The following CD8B2 variants were observed in gnomAD, a reference collection of about 807,000 sequenced individuals.
CD8B2 encodes the protein T-cell surface glycoprotein CD8 beta-2 chain.
A neutral mutation model predicts 23.7 loss-of-function variants in CD8B2; 11 were observed. The observed-to-expected ratio is 0.46, with a 90% CI of 0.29 to 0.77. The LOEUF (loss-of-function observed/expected upper bound fraction) is 0.77. CD8B2 is among the 30% of genes least tolerant of loss of function. The pLI is 0.09. For synonymous variants in CD8B2, 90 were observed against 109.3 expected (o/e 0.82, Z 1.10); for missense variants, 197 against 270.5 (o/e 0.73, Z 1.91).
chr2:106,543,543 T>A (rs13004386), intron 5 of CD8B2, among the ~76,000 whole-genome samples: 69,857 of 147,800 alleles, frequency 0.47, 16,596 homozygotes, highest in African/African-American at 0.5. Context: ...ATAAATAAAT[T>A]AATTAAACAA....
intron 5 of CD8B2, among the ~76,000 whole-genome samples, chr2:106,531,356 C>T (rs1300913200): frequency 1.3e-5 from 2 of 152,214 alleles, no homozygotes; most frequent in Non-Finnish European, 2.9e-5. Context: ...TTTTCCTTTT[C>T]CTTTGGGCAA....
Position 106,508,037 on chromosome 2 carries a change from G to A in CD8B2, c.*1097G>A, listed in dbSNP as rs1679546988. The stretch of plus-strand genomic sequence containing the variant: ...TTATTGATTCTTAGCCTTGACAGTT[G>A]GAGAAGGAAAAAGCAAGGAGAAAGT... On this transcript the variant is annotated 3_prime_UTR_variant, in exon 6 of 6. Coordinates refer to ENST00000643224, the MANE Select transcript of CD8B2 (RefSeq NM_001349727.2). 6.7e-6 allele frequency: 1 copy of A among 149,496 alleles called. No homozygotes were observed. The highest frequency in any genetic ancestry group is 1.5e-5 in the Non-Finnish European group (1 of 67,464). The allele number at this position is 149,496 out of a possible 1,614,324, so 9.3% of individuals were successfully genotyped here.
rs1679575313 is a variant in CD8B2 at position 106,509,316 on chromosome 2, G to T, written c.*2376G>T. ...TGAGGGGAGGGGTGAAAGAATTGGG[G>T]TCAGCTGGACCAGACTCCTCTAGGG... On this transcript the variant is annotated 3_prime_UTR_variant, in exon 6 of 6. Coordinates refer to ENST00000643224, the MANE Select transcript of CD8B2 (RefSeq NM_001349727.2). The T allele has an allele frequency of 6.6e-6, 1 of 152,068 alleles. No individual in the cohort carries two copies. The highest frequency in any genetic ancestry group is 6.6e-5 in the Admixed American group (1 of 15,258). 9.4% of individuals were successfully genotyped at this position (152,068 alleles called of 1,614,324 possible).
chr2:106,507,138 T>G lies in CD8B2; in HGVS notation c.*198T>G, dbSNP rs1679525397. The G allele has an allele frequency of 1.4e-6, 2 of 1,434,812 alleles. No individual in the cohort carries two copies. The highest frequency in any genetic ancestry group is 2.9e-5 in the African/African-American group (2 of 69,470). The allele number at this position is 1,434,812 out of a possible 1,614,324, so 88.9% of individuals were successfully genotyped here. A position where few individuals can be genotyped will look rare whatever the true frequency, so the allele number is the denominator to read the frequency against. ...CTTGTTTGTGGGTCATCGGGAATACTAGGGAGAAGGTTTCATTGCCCCCAG... is the reference window on the plus strand; with the variant it reads ...CTTGTTTGTGGGTCATCGGGAATACGAGGGAGAAGGTTTCATTGCCCCCAG... On this transcript the variant is annotated 3_prime_UTR_variant, in exon 6 of 6. Transcript: ENST00000643224.
intron 5 of CD8B2, among the ~76,000 whole-genome samples, chr2:106,536,553 C>T (rs1187010157): frequency 6.6e-6 from 1 of 152,152 alleles, no homozygotes; most frequent in Non-Finnish European, 1.5e-5. Flanking sequence ...TCCTAATGGA[C>T]TTTAGATTCT....
intron 2 of CD8B2, among the ~76,000 whole-genome samples, chr2:106,495,085 C>CCA (rs1679272356): frequency 1.3e-5 from 2 of 152,010 alleles, no homozygotes; most frequent in Admixed American, 1.3e-4. Flanking sequence ...CCAGGTGGAG[C>CCA]CACATCTACT....
chr2:106,518,184 A>G (rs1198599568), intron 5 of CD8B2, among the ~76,000 whole-genome samples: 3 of 152,196 alleles, frequency 2.0e-5, no homozygotes, highest in Non-Finnish European at 4.4e-5. Flanking sequence ...TTGAGATGGT[A>G]GGAGGGTTCC....
At chr2:106,542,398 ACTTAGAGTC>A (rs1368220081) in intron 5 of CD8B2, among the ~76,000 whole-genome samples, 8 of 152,230 alleles carry the variant, frequency 5.3e-5, no homozygotes, top group African/African-American at 1.9e-4. Flanking sequence ...AGAGATTGTT[ACTTAGAGTC>A]CTTATATTAC....
In CD8B2 at chr2:106,507,082, G is replaced by A. The variant is rs1679523455; in HGVS notation, c.*142G>A. On this transcript the variant is annotated 3_prime_UTR_variant, in exon 6 of 6. Transcript: ENST00000643224. The stretch of plus-strand genomic sequence containing the variant: ...GCTGCCTGCTTTTCACTGCTGCAAG[G>A]CCTTTCTGTGTGTGACGTGCATGGG... 1 of 1,513,936 alleles carries A rather than the reference G, an allele frequency of 6.6e-7. No homozygotes were observed. Among genetic ancestry groups the A allele is most frequent in the Admixed American group, 2.2e-5 (1 of 45,222 alleles). The allele number at this position is 1,513,936 out of a possible 1,614,324, so 93.8% of individuals were successfully genotyped here. A position where few individuals can be genotyped will look rare whatever the true frequency, so the allele number is the denominator to read the frequency against.
Position 106,529,244 on chromosome 2 carries a change from G to A in CD8B2, c.621-14748G>A, listed in dbSNP as rs989226906. Among the ~76,000 whole-genome samples, 5 of 152,178 alleles carry A rather than the reference G, an allele frequency of 3.3e-5. No homozygotes were observed. In the South Asian group the frequency reaches 6.2e-4, roughly 19 times the overall value. ...TGGAGTAAATTTAATAGAAGTGGCCGCAGGAAAGACTCCAAAGGGAAAGGG... is the reference window on the plus strand; with the variant it reads ...TGGAGTAAATTTAATAGAAGTGGCCACAGGAAAGACTCCAAAGGGAAAGGG... On this transcript the variant is annotated intron_variant, in intron 5 of 5. Transcript: ENST00000416057.
intron 5 of CD8B2, among the ~76,000 whole-genome samples, chr2:106,524,082 C>T (rs984443419): frequency 2.6e-5 from 4 of 152,126 alleles, no homozygotes; most frequent in Non-Finnish European, 2.9e-5. Flanking sequence ...AATCAAGTGT[C>T]GGCCATGTGG....
At chr2:106,538,589 G>A (rs551303473) in intron 5 of CD8B2, among the ~76,000 whole-genome samples, 4 of 152,202 alleles carry the variant, frequency 2.6e-5, no homozygotes, top group South Asian at 2.1e-4. Flanking sequence ...ATCTAGAGCC[G>A]AGCAGTGTCC....
chr2:106,487,418 C>G lies in CD8B2; in HGVS notation c.-9C>G. On this transcript the variant is annotated 5_prime_UTR_variant, in exon 1 of 6. Coordinates refer to ENST00000643224, the MANE Select transcript of CD8B2 (RefSeq NM_001349727.2). ...AGCCCCCGGGGCCAGGTGTCCCGGG[C>G]GCGCCCCGATGCGGCCGCGGCTGTG... The G allele has an allele frequency of 3.2e-6, 4 of 1,238,648 alleles. No homozygotes were observed. The highest frequency in any genetic ancestry group is 4.0e-6 in the Non-Finnish European group (4 of 991,568). 76.7% of individuals were successfully genotyped at this position (1,238,648 alleles called of 1,614,324 possible).
At chr2:106,504,819 G>A (rs1679474732) in intron 5 of CD8B2, among the ~76,000 whole-genome samples, 1 of 152,180 alleles carries the variant, frequency 6.6e-6, no homozygotes. Context: ...TTCTGTGTGA[G>A]ATAAGGGGTT....
chr2:106,495,840 C>T (rs1679288868), intron 2 of CD8B2, among the ~76,000 whole-genome samples: 1 of 152,184 alleles, frequency 6.6e-6, no homozygotes, highest in Non-Finnish European at 1.5e-5. Context: ...GCTCTGTCGC[C>T]CAAGCCAGAG....
intron 5 of CD8B2, among the ~76,000 whole-genome samples, chr2:106,517,896 A>T (rs1573344072): frequency 6.6e-6 from 1 of 151,944 alleles, no homozygotes; most frequent in Non-Finnish European, 1.5e-5. Flanking sequence ...TTGTAATTTT[A>T]GTAGAGACGG....
intron 5 of CD8B2, among the ~76,000 whole-genome samples, chr2:106,529,429 A>G (rs1679963208): frequency 6.6e-6 from 1 of 152,162 alleles, no homozygotes; most frequent in African/African-American, 2.4e-5. Flanking sequence ...TCTCAGACCT[A>G]TCTCAAGTAC....
chr2:106,515,014 G>T (rs1679705811), downstream of CD8B2, among the ~76,000 whole-genome samples: 1 of 152,230 alleles, frequency 6.6e-6, no homozygotes, highest in African/African-American at 2.4e-5. Flanking sequence ...GAATAATCGA[G>T]CGCTACAGCT....
At chr2:106,496,544 G>A (rs907142646) in intron 3 of CD8B2, among the ~76,000 whole-genome samples, 2 of 152,158 alleles carry the variant, frequency 1.3e-5, no homozygotes, top group Admixed American at 6.5e-5. Flanking sequence ...CTAGCCAAAA[G>A]CAGAAACTAC....
Sources: allele counts gnomAD v4.1 joint callset (sites outside exome capture counted in the v4.1 genomes callset), GRCh38; gene constraint gnomAD v4.1.1; transcripts MANE v1.5; gene names NCBI Gene and HGNC (gene_info 2026-07-23, HGNC 2026-07-21).